The following SIRPG variants were observed in gnomAD, a reference collection of about 807,000 sequenced individuals.
The protein encoded by SIRPG is signal regulatory protein gamma, also known as signal-regulatory protein gamma.
A neutral mutation model predicts 35.7 loss-of-function variants in SIRPG; 38 were observed. That is an observed-to-expected ratio of 1.06 (90% CI 0.82 to 1.40). The LOEUF is 1.40. SIRPG is among the 40% of genes most tolerant of loss of function. The pLI, the probability that SIRPG is intolerant of heterozygous loss-of-function variation, is 0.00. For synonymous variants in SIRPG, 215 were observed against 190.4 expected (o/e 1.13, Z -1.06); for missense variants, 519 against 483.0 (o/e 1.07, Z -0.70).
intron 2 of SIRPG, among the ~76,000 whole-genome samples, chr20:1,641,710 C>G (rs963760225): frequency 5.9e-5 from 9 of 152,142 alleles, no homozygotes; most frequent in African/African-American, 2.2e-4. Flanking sequence ...ATCTTTCTAG[C>G]TTTCTGATGT....
chr20:1,649,784 A>G (rs916531261), intron 1 of SIRPG, among the ~76,000 whole-genome samples: 1 of 150,558 alleles, frequency 6.6e-6, no homozygotes, highest in Non-Finnish European at 1.5e-5. Context: ...CCACATGTGT[A>G]TACCACCATG....
the SIRPG span, among the ~76,000 whole-genome samples, chr20:1,685,655 A>C: frequency 6.6e-6 from 1 of 152,220 alleles, no homozygotes; most frequent in African/African-American, 2.4e-5. Context: ...AGAAAGCAGC[A>C]AATTCCTTCT....
intron 2 of SIRPG, among the ~76,000 whole-genome samples, chr20:1,642,038 C>T (rs1421725429): frequency 6.6e-6 from 1 of 152,104 alleles, no homozygotes; most frequent in Non-Finnish European, 1.5e-5. Flanking sequence ...AGAATAAGTG[C>T]CTTGTGGCAC....
chr20:1,654,498 G>A (rs1180847912), intron 1 of SIRPG, among the ~76,000 whole-genome samples: 1 of 152,104 alleles, frequency 6.6e-6, no homozygotes, highest in African/African-American at 2.4e-5. Context: ...CATGTGTAGG[G>A]GAATGAAATT....
chr20:1,657,446 A>G (rs547176363), intron 1 of SIRPG, among the ~76,000 whole-genome samples, 196 bp downstream of exon 1: 5 of 152,226 alleles, frequency 3.3e-5, no homozygotes, highest in Non-Finnish European at 7.3e-5. Flanking sequence ...AAGCCTCACA[A>G]GGTTTGATGC....
chr20:1,667,050 C>A, the SIRPG span, among the ~76,000 whole-genome samples: 1 of 152,072 alleles, frequency 6.6e-6, no homozygotes, highest in Non-Finnish European at 1.5e-5. Context: ...CTGTGCATCA[C>A]CACACGTAGT....
At chr20:1,681,028 T>C in the SIRPG span, among the ~76,000 whole-genome samples, 59 of 152,336 alleles carry the variant, frequency 3.9e-4, no homozygotes, top group Middle Eastern at 6.8e-3. Flanking sequence ...CCAATAAATA[T>C]GTGTATAATG....
chr20:1,632,519 C>T (rs1225994049), intron 4 of SIRPG, among the ~76,000 whole-genome samples: 1 of 152,162 alleles, frequency 6.6e-6, no homozygotes, highest in African/African-American at 2.4e-5. Flanking sequence ...CCAAAAATGC[C>T]AGCCCTGGTC....
the SIRPG span, among the ~76,000 whole-genome samples, chr20:1,683,859 C>T: frequency 1.3e-4 from 20 of 151,936 alleles, no homozygotes; most frequent in African/African-American, 4.8e-4. Context: ...ATCCCAGCTA[C>T]TCGGGAGGCT....
chr20:1,668,231 C>CTT, the SIRPG span, among the ~76,000 whole-genome samples: 3 of 50,272 alleles, frequency 6.0e-5, no homozygotes, highest in Non-Finnish European at 1.4e-4. Context: ...TTCTTTCTTT[C>CTT]TTTCTTTCTT....
intron 2 of SIRPG, among the ~76,000 whole-genome samples, chr20:1,642,415 T>C (rs1034507286): frequency 1.3e-5 from 2 of 152,232 alleles, no homozygotes; most frequent in African/African-American, 4.8e-5. Context: ...GCTTTCCATT[T>C]GCTTGGTAAA....
rs1600209048 is a variant in SIRPG, at chr20:1,641,655, G to T, written c.431-5150C>A. 1.3e-5 allele frequency among the ~76,000 whole-genome samples: 2 copies of T among 151,966 alleles called. 1 individual carries two copies. Among genetic ancestry groups the T allele is most frequent in the South Asian group, 4.2e-4 (2 of 4,808 alleles). ...TTGTCTTCTGCTAGCTTTTGCTCTT[G>T]CTTCTCTAGATCTTTTAATTGTGAT... On this transcript the variant is annotated intron_variant, in intron 2 of 5. Coordinates refer to ENST00000303415, the MANE Select transcript of SIRPG (RefSeq NM_018556.4).
rs1347181175 is a variant in SIRPG, at chr20:1,630,211, C to T, written c.*2+11G>A. 4 of 1,551,240 alleles carry T rather than the reference C, an allele frequency of 2.6e-6. No individual in the cohort carries two copies. Among genetic ancestry groups the T allele is most frequent in the Middle Eastern group, 1.8e-4 (1 of 5,642 alleles). On this transcript the variant is annotated intron_variant, in intron 5 of 5. Transcript: ENST00000303415. ...ACAGCCCTTGGTCTGTCCTCCCTTC[C>T]TTGTACTTACAGTCAGGTCTTCTGC...
At position 1,657,688 on chromosome 20, in the gene SIRPG, A is replaced by G. The variant is rs144234748; in HGVS notation, c.27T>C (p.His9=). MPVPASWP[H]PPGPFLLLTL... ...TCAGAAGCAGGAAAGGACCAGGAGG[A>G]TGGGGCCAGGAGGCTGGGACAGGCA... Residue 9 remains histidine, a synonymous_variant, in exon 1 of 6, where the codon CAT becomes CAC. Coordinates refer to ENST00000303415, the MANE Select transcript of SIRPG (RefSeq NM_018556.4). 6.2e-7 allele frequency: 1 copy of G among 1,614,162 alleles called. No homozygotes were observed. The highest frequency in any genetic ancestry group is 1.1e-5 in the South Asian group (1 of 91,082).
intron 1 of SIRPG, among the ~76,000 whole-genome samples, chr20:1,651,873 T>C (rs1164947840): frequency 6.6e-6 from 1 of 152,188 alleles, no homozygotes; most frequent in African/African-American, 2.4e-5. Context: ...GCACAGGATG[T>C]TATAGCAACC....
At chr20:1,644,792 G>T (rs1364506261) in intron 2 of SIRPG, among the ~76,000 whole-genome samples, 2 of 152,222 alleles carry the variant, frequency 1.3e-5, no homozygotes, top group Admixed American at 6.5e-5. Context: ...CCTTGGCTGG[G>T]GGGTGGGGGC....
At chr20:1,678,800 G>A in the SIRPG span, among the ~76,000 whole-genome samples, 2 of 152,082 alleles carry the variant, frequency 1.3e-5, no homozygotes, top group African/African-American at 2.4e-5. Context: ...TCCAACTGTC[G>A]ACAATTAAAG....
chr20:1,634,438 AC>A (rs1469205910), intron 4 of SIRPG, among the ~76,000 whole-genome samples: 2 of 150,802 alleles, frequency 1.3e-5, no homozygotes, highest in Non-Finnish European at 3.0e-5. Context: ...CGATCTCCTG[AC>A]CTCGTGATCC....
At chr20:1,661,643 G>A (rs2091996178), upstream of SIRPG, among the ~76,000 whole-genome samples, 1 of 152,230 alleles carries the variant, frequency 6.6e-6, no homozygotes, top group African/African-American at 2.4e-5. Flanking sequence ...CTGCAGGAAA[G>A]GAGGGCATCT....
Sources: allele counts gnomAD v4.1 joint callset (sites outside exome capture counted in the v4.1 genomes callset), GRCh38; gene constraint gnomAD v4.1.1; transcripts MANE v1.5; gene names NCBI Gene and HGNC (gene_info 2026-07-23, HGNC 2026-07-21).